The following PBLD variants were observed in gnomAD, a reference collection of about 807,000 sequenced individuals.
PBLD encodes phenazine biosynthesis like protein domain containing.
In PBLD, 26 loss-of-function variants were observed where a neutral mutation model predicts 31.3. The observed-to-expected ratio is 0.83, with a 90% CI of 0.61 to 1.15. PBLD has a LOEUF of 1.15. Among genes scored for constraint, PBLD ranks in the 50% most tolerant of loss-of-function variants. PBLD has a pLI of 0.00. For synonymous variants in PBLD, 114 were observed against 129.0 expected (o/e 0.88, Z 0.79); for missense variants, 307 against 351.7 (o/e 0.87, Z 1.02).
intron 1 of PBLD, among the ~76,000 whole-genome samples, chr10:68,308,803 G>C (rs533155696): frequency 2.0e-5 from 3 of 148,776 alleles, no homozygotes; most frequent in African/African-American, 7.5e-5. Context: ...GCCTCCCAAA[G>C]AGCTGGGATT....
In PBLD at chr10:68,292,554, G is replaced by A. The variant is rs543944095; in HGVS notation, c.284-316C>T. 3.3e-5 allele frequency among the ~76,000 whole-genome samples: 5 copies of A among 149,400 alleles called. No individual in the cohort carries two copies. The South Asian group carries it at 1.1e-3, about 32-fold the overall frequency. On this transcript the variant is annotated intron_variant, in intron 4 of 9. Coordinates refer to ENST00000358769, the MANE Select transcript of PBLD (RefSeq NM_022129.4). ...AGACATGGTCTCACTGTGTTGCCCA[G>A]GCTGGAGTGCAGTGGCACGATCTCA...
At chr10:68,284,579 A>G (rs1329260190) in intron 9 of PBLD, among the ~76,000 whole-genome samples, 1 of 152,104 alleles carries the variant, frequency 6.6e-6, no homozygotes, top group Non-Finnish European at 1.5e-5. Context: ...CACCCCACTC[A>G]TCGCTTCTTC....
At chr10:68,319,368 T>C (rs2044797746) in intron 1 of PBLD, among the ~76,000 whole-genome samples, 1 of 152,132 alleles carries the variant, frequency 6.6e-6, no homozygotes, top group Non-Finnish European at 1.5e-5. Flanking sequence ...AGGGCAAAGA[T>C]CGGTAGAATG....
intron 6 of PBLD, among the ~76,000 whole-genome samples, chr10:68,290,173 C>T (rs563602212): frequency 6.6e-6 from 1 of 152,240 alleles, no homozygotes; most frequent in Admixed American, 6.5e-5. Context: ...ATGGTAATTA[C>T]ATGGTAATTG....
At chr10:68,328,360 C>T (rs2044956850) in intron 1 of PBLD, among the ~76,000 whole-genome samples, 1 of 151,998 alleles carries the variant, frequency 6.6e-6, no homozygotes, top group Admixed American at 6.6e-5. Context: ...ATGTGCCTTC[C>T]CTCCCCCCGA....
chr10:68,284,069 G>A lies in PBLD; in HGVS notation c.*108C>T. 9.3e-7 allele frequency: 1 copy of A among 1,079,174 alleles called. No homozygotes were observed. 66.8% of individuals were successfully genotyped at this position (1,079,174 alleles called of 1,614,324 possible). A position where few individuals can be genotyped will look rare whatever the true frequency, so the allele number is the denominator to read the frequency against. On this transcript the variant is annotated 3_prime_UTR_variant, in exon 10 of 10. Coordinates refer to ENST00000358769, the MANE Select transcript of PBLD (RefSeq NM_022129.4). ...GCCCATTTTTCGATTTTTAACATGA[G>A]GATTAAGTAGACTACTACGCACATT...
At chr10:68,324,250 C>G (rs1337982110) in intron 1 of PBLD, among the ~76,000 whole-genome samples, 3 of 151,856 alleles carry the variant, frequency 2.0e-5, no homozygotes, top group African/African-American at 7.3e-5. Flanking sequence ...GATCTGGGCT[C>G]ACTGCAACCT....
chr10:68,318,214 G>C (rs571414288), intron 1 of PBLD, among the ~76,000 whole-genome samples: 1 of 151,818 alleles, frequency 6.6e-6, no homozygotes, highest in Non-Finnish European at 1.5e-5. Context: ...GCAACAGTGT[G>C]AGACTCTGTC....
chr10:68,306,501 G>A (rs1021928564), intron 2 of PBLD, among the ~76,000 whole-genome samples: 4 of 152,186 alleles, frequency 2.6e-5, no homozygotes, highest in African/African-American at 7.2e-5. Flanking sequence ...CTAAAAGGGA[G>A]CTCTAGCTCT....
chr10:68,331,943 CTGCG>C (rs1339508804), intron 1 of PBLD: 1 of 152,368 alleles, frequency 6.6e-6, no homozygotes, highest in Admixed American at 6.5e-5. Context: ...CGCAGGCGCG[CTGCG>C]TGCCGCCAGC....
At chr10:68,285,073 C>G in intron 9 of PBLD, 1 of 1,287,020 alleles carries the variant, frequency 7.8e-7, no homozygotes, top group Non-Finnish European at 9.8e-7. Context: ...TAAATAACCT[C>G]TCTGGGCCAA....
intron 2 of PBLD, among the ~76,000 whole-genome samples, chr10:68,297,697 AT>A (rs1564728385): frequency 6.6e-6 from 1 of 152,208 alleles, no homozygotes; most frequent in Non-Finnish European, 1.5e-5. Flanking sequence ...ACTTAATCTC[AT>A]TTTTAAAACC....
intron 4 of PBLD, among the ~76,000 whole-genome samples, chr10:68,293,746 G>A (rs778772355): frequency 7.9e-5 from 12 of 152,108 alleles, no homozygotes; most frequent in South Asian, 2.1e-4. Context: ...AGGCCGAGGC[G>A]GGTGGTTCAC....
At chr10:68,318,525 A>T (rs536038132) in intron 1 of PBLD, among the ~76,000 whole-genome samples, 251 of 126,872 alleles carry the variant, frequency 2.0e-3, no homozygotes, top group Non-Finnish European at 3.1e-3. Flanking sequence ...TGTCTCTTTT[A>T]AAAAAAAAAA....
intron 6 of PBLD, among the ~76,000 whole-genome samples, chr10:68,290,074 T>C (rs986900135): frequency 1.6e-4 from 9 of 55,162 alleles, no homozygotes; most frequent in Non-Finnish European, 1.1e-4. Flanking sequence ...TGAGGGTGGC[T>C]TGGGGCAGAG....
At chr10:68,326,871 A>T (rs2044929546) in intron 1 of PBLD, among the ~76,000 whole-genome samples, 2 of 152,076 alleles carry the variant, frequency 1.3e-5, no homozygotes, top group South Asian at 4.1e-4. Flanking sequence ...ACATGGTGAA[A>T]CCCCATCTCT....
At chr10:68,289,092 G>T in intron 6 of PBLD, 73 bp from the exon 7 acceptor site, 1 of 1,154,362 alleles carries the variant, frequency 8.7e-7, no homozygotes. Context: ...AATGGGAAAT[G>T]ACCTCTCATT....
At chr10:68,293,275 A>T (rs1161136058) in intron 4 of PBLD, among the ~76,000 whole-genome samples, 1 of 152,252 alleles carries the variant, frequency 6.6e-6, no homozygotes, top group Non-Finnish European at 1.5e-5. Flanking sequence ...TGTAAATATC[A>T]GTGTTATATG....
chr10:68,327,262 C>T (rs2134555475), intron 1 of PBLD, among the ~76,000 whole-genome samples: 1 of 152,252 alleles, frequency 6.6e-6, no homozygotes, highest in East Asian at 1.9e-4. Flanking sequence ...TGCAAGACTG[C>T]AGTGAAAATG....
Sources: allele counts gnomAD v4.1 joint callset (sites outside exome capture counted in the v4.1 genomes callset), GRCh38; gene constraint gnomAD v4.1.1; transcripts MANE v1.5; gene names NCBI Gene and HGNC (gene_info 2026-07-23, HGNC 2026-07-21).